The following DNAH1 variants were observed in gnomAD, a reference collection of about 807,000 sequenced individuals.
DNAH1 encodes the protein dynein axonemal heavy chain 1.
In DNAH1, 327 loss-of-function variants were observed where a neutral mutation model predicts 484.3. The observed-to-expected ratio is 0.68, with a 90% CI of 0.62 to 0.74. DNAH1 has a LOEUF of 0.74. Ranked by LOEUF, DNAH1 falls within the 30% of genes least tolerant of loss-of-function variation. DNAH1 has a pLI of 0.00. For missense variants in DNAH1, 5,052 were observed against 5,546.8 expected, an observed-to-expected ratio of 0.91 and a Z score of 2.83; for synonymous variants, 2,192 against 2,191.9, an observed-to-expected ratio of 1.00 and a Z score of 0.00.
intron 63 of DNAH1, 40 bp from the exon 64 acceptor site, chr3:52,392,424 C>T (rs756604367): frequency 6.9e-6 from 11 of 1,593,102 alleles, no homozygotes; most frequent in African/African-American, 2.7e-5. Flanking sequence ...CTCCGGGGCC[C>T]ACCAGGTATT....
Position 52,347,885 on chromosome 3 carries a change from A to G in DNAH1, c.2017A>G (p.Ser673Gly), listed in dbSNP as rs1702210970. The G allele has an allele frequency of 1.9e-6, 3 of 1,607,258 alleles. No individual in the cohort carries two copies. The highest frequency in any genetic ancestry group is 2.5e-6 in the Non-Finnish European group (3 of 1,176,788). Residue 673 changes from serine (S) to glycine (G), a missense_variant, in exon 12 of 78, where the codon AGC (serine) becomes GGC (glycine). By Grantham distance (56) the Ser-to-Gly change is moderately conservative. Coordinates refer to ENST00000420323, the MANE Select transcript of DNAH1 (RefSeq NM_015512.5). ...LVLDSSGVHY[S>G]TPLEQFEASL... The stretch of plus-strand genomic sequence containing the variant: ...GCTGGACAGCTCTGGGGTGCACTAT[A>G]GCACCCCACTGGAGCAGTTTGAGGC...
intron 8 of DNAH1, among the ~76,000 whole-genome samples, chr3:52,338,283 A>AT (rs1701806483): frequency 6.6e-6 from 1 of 151,858 alleles, no homozygotes; most frequent in African/African-American, 2.4e-5. Flanking sequence ...TATTTTTTGT[A>AT]TTTTTAGTAA....
intron 3 of DNAH1, 149 bp from the exon 4 acceptor site, chr3:52,325,991 C>T (rs1701322653): frequency 4.1e-6 from 3 of 737,550 alleles, no homozygotes; most frequent in Non-Finnish European, 6.1e-6. Context: ...TGCCTGTGTT[C>T]TCCCAGCCAC....
Position 52,368,653 on chromosome 3 carries a change from A to G in DNAH1, c.5766-88A>G. 2 of 1,403,220 alleles carry G rather than the reference A, an allele frequency of 1.4e-6. No individual in the cohort carries two copies. The highest frequency in any genetic ancestry group is 2.0e-6 in the Non-Finnish European group (2 of 1,024,710). 86.9% of individuals were successfully genotyped at this position (1,403,220 alleles called of 1,614,324 possible). ...GATTGAAGGAAAGTAGAGCCCGCCC[A>G]CCCGGCGGCCAGGCTTCCCTGGGAG... On this transcript the variant is annotated intron_variant, in intron 36 of 77. Transcript: ENST00000420323. This position sits in a 1 kb window ranked among gnomAD's most constrained non-coding sequence, Gnocchi z 4.4.
In DNAH1 at chr3:52,326,165, C is replaced by T. The variant is rs778750011; in HGVS notation, c.432C>T (p.Asp144=). 6.2e-7 allele frequency: 1 copy of T among 1,611,280 alleles called. No individual in the cohort carries two copies. The highest frequency in any genetic ancestry group is 1.7e-5 in the Admixed American group (1 of 59,760). The change falls in exon 4 of 78, where the codon GAC becomes GAT. Residue 144 remains aspartate (D), a synonymous_variant. Coordinates refer to ENST00000420323, the MANE Select transcript of DNAH1 (RefSeq NM_015512.5). ...PRVGSFEVPE[D]FQERMEQQCI... is the part of the protein sequence containing the mutation. Reference sequence around the variant, plus strand: ...TCGGAAGCTTTGAGGTTCCTGAAGACTTCCAGGAGCGCATGGAGCAGCAGT... The same window carrying T: ...TCGGAAGCTTTGAGGTTCCTGAAGATTTCCAGGAGCGCATGGAGCAGCAGT...
chr3:52,371,821 C>A, intron 41 of DNAH1, 125 bp from the exon 42 acceptor site: 1 of 1,410,798 alleles, frequency 7.1e-7, no homozygotes, highest in Non-Finnish European at 9.6e-7. Context: ...AGCCCTGCAC[C>A]TGGACCCGCT....
At chr3:52,337,183 G>A (rs1256835643) in intron 8 of DNAH1, among the ~76,000 whole-genome samples, 1 of 152,150 alleles carries the variant, frequency 6.6e-6, no homozygotes, top group Non-Finnish European at 1.5e-5. Context: ...GTGTGTGTGT[G>A]TGGCAATTGT....
rs759005314 is a variant in DNAH1 at position 52,391,069 on chromosome 3, C to T, written c.9741+15C>T. 3.9e-5 allele frequency: 61 copies of T among 1,575,970 alleles called. No homozygotes were observed. The highest frequency in any genetic ancestry group is 4.8e-5 in the Non-Finnish European group (56 of 1,160,766). ...TCAAGAACATGGTGAGCCCACCCACCAGGCACCACCACCCCACCCCAGCCA... is the reference window on the plus strand; with the variant it reads ...TCAAGAACATGGTGAGCCCACCCACTAGGCACCACCACCCCACCCCAGCCA... On this transcript the variant is annotated intron_variant, in intron 61 of 77. Coordinates refer to ENST00000420323, the MANE Select transcript of DNAH1 (RefSeq NM_015512.5).
Position 52,399,782 on chromosome 3 carries a change from A to G in DNAH1, c.12676+3A>G, listed in dbSNP as rs1704823750. 4.3e-6 allele frequency: 7 copies of G among 1,613,432 alleles called. No homozygotes were observed. Among genetic ancestry groups the G allele is most frequent in the Non-Finnish European group, 5.1e-6 (6 of 1,179,598 alleles). On this transcript the variant is annotated splice_donor_region_variant and intron_variant, in intron 77 of 77. Transcript: ENST00000420323. The stretch of plus-strand genomic sequence containing the variant: ...CTACAAGACACTGACTCGTGCTGGT[A>G]TGAGGCCTGGGATGGGAGCCTACAC...
rs1323209886 is a variant in DNAH1 at position 52,362,693 on chromosome 3, C to T, written c.5094+192C>T. Among the ~76,000 whole-genome samples the T allele has an allele frequency of 1.3e-5, 2 of 152,160 alleles. No individual in the cohort carries two copies. The highest frequency in any genetic ancestry group is 1.3e-4 in the Admixed American group (2 of 15,276). ...TCAGGGCATGGGAGAAGTCAGGCTG[C>T]CTATGGATGTGGTGTGGAGGGGGAA... On this transcript the variant is annotated intron_variant, in intron 31 of 77. Transcript: ENST00000420323. The surrounding 1 kb of genome is among the most constrained non-coding windows in gnomAD (Gnocchi z 5.1).
intron 37 of DNAH1, 28 bp from the exon 38 acceptor site, chr3:52,369,797 C>A: frequency 6.3e-7 from 1 of 1,581,140 alleles, no homozygotes. Flanking sequence ...GGCAGCCAGC[C>A]CACTCATTTG....
In DNAH1 at chr3:52,355,196, A is replaced by G; in HGVS notation, c.3693+141A>G. The G allele has an allele frequency of 1.2e-6, 1 of 827,536 alleles. No homozygotes were observed. The highest frequency in any genetic ancestry group is 2.7e-5 in the East Asian group (1 of 37,614). 51.3% of individuals were successfully genotyped at this position (827,536 alleles called of 1,614,324 possible). A position where few individuals can be genotyped will look rare whatever the true frequency, so the allele number is the denominator to read the frequency against. On this transcript the variant is annotated intron_variant, in intron 21 of 77. Coordinates refer to ENST00000420323, the MANE Select transcript of DNAH1 (RefSeq NM_015512.5). This position sits in a 1 kb window ranked among gnomAD's most constrained non-coding sequence, Gnocchi z 4.5. ...TTCACACAGCCCCTGGCTCTCTGGC[A>G]GGCCCCGCCCTACTGCATTCAGAGG...
At chr3:52,394,818 G>A (rs1704546970) in intron 67 of DNAH1, 97 bp from the exon 68 acceptor site, 2 of 1,522,792 alleles carry the variant, frequency 1.3e-6, no homozygotes, top group Admixed American at 2.0e-5. Context: ...CCCTGGGATA[G>A]CCCACTCTCC....
intron 8 of DNAH1, among the ~76,000 whole-genome samples, chr3:52,343,022 G>T (rs1319425030): frequency 6.6e-6 from 1 of 152,126 alleles, no homozygotes; most frequent in African/African-American, 2.4e-5. Flanking sequence ...AAGTCAGGGA[G>T]GTGAGGAAGA....
chr3:52,355,323 A>G lies in DNAH1; in HGVS notation c.3693+268A>G, dbSNP rs1003932713. ...TTTGGGTCCCAAAATGTGGTTGAGG[A>G]TAGGCCTGAGAACTGCCAGGCGGCC... On this transcript the variant is annotated intron_variant, in intron 21 of 77. Transcript: ENST00000420323. The surrounding 1 kb of genome is among the most constrained non-coding windows in gnomAD (Gnocchi z 4.5). Among the ~76,000 whole-genome samples, 1 of 152,218 alleles carries G rather than the reference A, an allele frequency of 6.6e-6. No individual in the cohort carries two copies. The highest frequency in any genetic ancestry group is 2.1e-4 in the South Asian group (1 of 4,824).
chr3:52,321,791 A>G (rs1481393047), intron 1 of DNAH1: 1 of 152,340 alleles, frequency 6.6e-6, no homozygotes, highest in African/African-American at 2.4e-5. Context: ...CTGTGGGCCA[A>G]TGGAGGGTCA....
intron 64 of DNAH1, 24 bp from the exon 65 acceptor site, chr3:52,392,801 ACCCCT>A: frequency 3.9e-6 from 2 of 508,848 alleles, no homozygotes; most frequent in Non-Finnish European, 7.2e-6. Flanking sequence ...CTGCTCTTTG[ACCCCT>A]CCCCCCACCC....
At chr3:52,363,517 G>A (rs1002900516) in intron 32 of DNAH1, among the ~76,000 whole-genome samples, 1 of 152,168 alleles carries the variant, frequency 6.6e-6, no homozygotes, top group Non-Finnish European at 1.5e-5. Flanking sequence ...GGACAGCCAG[G>A]CCCTCCGAGC....
chr3:52,369,683 C>T (rs1703239102), intron 37 of DNAH1, 142 bp from the exon 38 acceptor site: 6 of 873,050 alleles, frequency 6.9e-6, no homozygotes, highest in Non-Finnish European at 8.6e-6. Context: ...GGTTCCTGTC[C>T]CACCCAGCAC....
Sources: allele counts gnomAD v4.1 joint callset (sites outside exome capture counted in the v4.1 genomes callset), GRCh38; gene constraint gnomAD v4.1.1; non-coding constraint Gnocchi (gnomAD v3.1); transcripts MANE v1.5; gene names NCBI Gene and HGNC (gene_info 2026-07-23, HGNC 2026-07-21).